The following WLS variants were observed in gnomAD, a reference collection of about 807,000 sequenced individuals.
The protein encoded by WLS is Wnt ligand secretion mediator.
A neutral mutation model predicts 62.8 loss-of-function variants in WLS; 23 were observed. That is an observed-to-expected ratio of 0.37 (90% confidence interval 0.26 to 0.52). The LOEUF (loss-of-function observed/expected upper bound fraction) is 0.52, where lower values mean the gene tolerates loss of function less well. WLS is among the 20% of genes least tolerant of loss of function. The pLI is 0.92. For synonymous variants in WLS, 246 were observed against 244.1 expected, an observed-to-expected ratio of 1.01 and a Z score of -0.07; for missense variants, 615 against 697.3, an observed-to-expected ratio of 0.88 and a Z score of 1.33.
intron 8 of WLS, 109 bp downstream of exon 8, chr1:68,148,027 G>C (rs1646774780): frequency 1.8e-6 from 2 of 1,141,672 alleles, no homozygotes; most frequent in Admixed American, 4.0e-5. Flanking sequence ...GAGAATCAAA[G>C]CCCTGGCTGA....
chr1:68,219,759 A>C (rs887107146), intron 1 of WLS, among the ~76,000 whole-genome samples: 2 of 152,220 alleles, frequency 1.3e-5, no homozygotes, highest in Non-Finnish European at 2.9e-5. Context: ...TTTGTTTAAA[A>C]TTTCTTATAA....
chr1:68,180,524 C>T (rs1159765522), intron 2 of WLS, among the ~76,000 whole-genome samples: 2 of 152,234 alleles, frequency 1.3e-5, no homozygotes, highest in African/African-American at 4.8e-5. Context: ...GGCTCCTAGG[C>T]TCCTATTCCC....
intron 2 of WLS, among the ~76,000 whole-genome samples, chr1:68,171,286 G>A (rs1012115176): frequency 7.2e-5 from 11 of 152,170 alleles, no homozygotes; most frequent in African/African-American, 2.4e-4. Context: ...AACACCAAAA[G>A]CAATGGCAAC....
chr1:68,230,588 C>CGTGTGTGTGTGTGTGT lies in WLS; in HGVS notation c.106+1590_106+1605dup, dbSNP rs145944948. On this transcript the variant is annotated intron_variant, in intron 1 of 11. Coordinates refer to ENST00000262348, the MANE Select transcript of WLS (RefSeq NM_024911.7). ...GCCAACCCGTGTGTGTGTGTGCGCG[C>CGTGTGTGTGTGTGTGT]GTGTGTGTGTGTGTGTGTGTGTGTG... Among the ~76,000 whole-genome samples, 1,040 of 149,140 alleles carry CGTGTGTGTGTGTGTGT rather than the reference C, an allele frequency of 7.0e-3. 13 individuals are homozygous for CGTGTGTGTGTGTGTGT. Among genetic ancestry groups the CGTGTGTGTGTGTGTGT allele is most frequent in the Middle Eastern group, 0.01 (3 of 290 alleles).
At chr1:68,167,593 G>A (rs1322434610) in intron 2 of WLS, among the ~76,000 whole-genome samples, 1 of 152,122 alleles carries the variant, frequency 6.6e-6, no homozygotes, top group African/African-American at 2.4e-5. Flanking sequence ...ATAAAACAAG[G>A]ACACTGGTTA....
chr1:68,129,129 G>A (rs1354346968), intron 11 of WLS, among the ~76,000 whole-genome samples: 9 of 152,104 alleles, frequency 5.9e-5, no homozygotes, highest in Non-Finnish European at 1.3e-4. Context: ...GTTTGAACCA[G>A]CCTGGTCAAC....
intron 1 of WLS, among the ~76,000 whole-genome samples, chr1:68,197,619 T>C (rs1648744859): frequency 6.6e-6 from 1 of 152,184 alleles, no homozygotes; most frequent in African/African-American, 2.4e-5. Flanking sequence ...TACAGCTCAG[T>C]GCAATGTCCT....
chr1:68,182,475 TC>T (rs1647643150), intron 2 of WLS, among the ~76,000 whole-genome samples: 1 of 152,196 alleles, frequency 6.6e-6, no homozygotes, highest in Non-Finnish European at 1.5e-5. Flanking sequence ...TCCCTAATCT[TC>T]TCTATCCTGG....
intron 2 of WLS, chr1:68,183,596 A>C (rs1430434714): frequency 9.4e-6 from 5 of 530,236 alleles, no homozygotes; most frequent in Non-Finnish European, 1.9e-5. Context: ...AAATTCACCC[A>C]TCACCATTGT....
chr1:68,172,782 A>G (rs972979059), intron 2 of WLS, among the ~76,000 whole-genome samples: 2 of 152,294 alleles, frequency 1.3e-5, no homozygotes, highest in African/African-American at 2.4e-5. Flanking sequence ...AGGAAGCCCC[A>G]TGTATAAAAA....
At chr1:68,165,919 A>G (rs571725249) in intron 2 of WLS, among the ~76,000 whole-genome samples, 4 of 152,336 alleles carry the variant, frequency 2.6e-5, no homozygotes, top group Admixed American at 6.5e-5. Context: ...AAGCCAGACA[A>G]ATGTTTGTAG....
At chr1:68,110,651 A>ATCTCTCTCTCTCTCTCTCTCTC (rs752431176) in intron 11 of WLS, among the ~76,000 whole-genome samples, 7 of 126,150 alleles carry the variant, frequency 5.5e-5, no homozygotes, top group African/African-American at 2.2e-4. Context: ...GCCCCCAAAA[A>ATCTCTCTCTCTCTCTCTCTCTC]TCTCTGTCTC....
chr1:68,193,442 A>AAAAAAAAC (rs1648475278), intron 2 of WLS, among the ~76,000 whole-genome samples: 1 of 101,596 alleles, frequency 9.8e-6, no homozygotes, highest in Non-Finnish European at 1.9e-5. Context: ...AAAAAAAAAA[A>AAAAAAAAC]CGAAAAAAAA....
At chr1:68,195,127 G>T (rs549296733) in intron 1 of WLS, among the ~76,000 whole-genome samples, 1 of 152,072 alleles carries the variant, frequency 6.6e-6, no homozygotes, top group Non-Finnish European at 1.5e-5. Context: ...TAAAATATAC[G>T]CAAATATTAA....
chr1:68,152,073 C>T (rs1429559530), intron 5 of WLS, among the ~76,000 whole-genome samples: 1 of 152,138 alleles, frequency 6.6e-6, no homozygotes, highest in Non-Finnish European at 1.5e-5. Flanking sequence ...TACAGGATGA[C>T]TCACTGCTAC....
chr1:68,143,608 C>A (rs1438036399), intron 10 of WLS, among the ~76,000 whole-genome samples: 2 of 152,176 alleles, frequency 1.3e-5, no homozygotes, highest in East Asian at 3.9e-4. Context: ...AGTAGAGGAA[C>A]ATGCTGTACA....
At chr1:68,170,710 A>AC (rs11329422) in intron 2 of WLS, among the ~76,000 whole-genome samples, 97 of 149,560 alleles carry the variant, frequency 6.5e-4, no homozygotes, top group South Asian at 5.8e-3. Context: ...TCAATATGGC[A>AC]CCCCCCCCTT....
intron 1 of WLS, among the ~76,000 whole-genome samples, chr1:68,223,649 T>C (rs1255711487): frequency 1.3e-5 from 2 of 152,168 alleles, no homozygotes; most frequent in Non-Finnish European, 2.9e-5. Flanking sequence ...CTCCAACAAG[T>C]GTCAAGTCCT....
intron 1 of WLS, among the ~76,000 whole-genome samples, chr1:68,215,775 A>T (rs1649701972): frequency 6.6e-6 from 1 of 152,224 alleles, no homozygotes; most frequent in Non-Finnish European, 1.5e-5. Flanking sequence ...GTTTATTAGC[A>T]TGGCTTAAAT....
Sources: allele counts gnomAD v4.1 joint callset (sites outside exome capture counted in the v4.1 genomes callset), GRCh38; gene constraint gnomAD v4.1.1; transcripts MANE v1.5; gene names NCBI Gene and HGNC (gene_info 2026-07-23, HGNC 2026-07-21).